Variants in ZNF385B observed in about 807,000 individuals in gnomAD.
The protein encoded by ZNF385B is zinc finger protein 533.
In ZNF385B, 23 loss-of-function variants were observed where a neutral mutation model predicts 39.2. The ratio of observed to expected loss-of-function variants is 0.59; its 90% CI spans 0.42 to 0.83. The LOEUF is 0.83. Ranked by LOEUF, ZNF385B falls within the 40% of genes least tolerant of loss-of-function variation. The pLI is 0.00. For missense variants in ZNF385B, 552 were observed against 598.9 expected (o/e 0.92, Z 0.82); for synonymous variants, 205 against 222.6 (o/e 0.92, Z 0.70).
intron 1 of ZNF385B, among the ~76,000 whole-genome samples, chr2:179,834,029 A>G (rs1172548015): frequency 6.6e-6 from 1 of 152,134 alleles, no homozygotes; most frequent in African/African-American, 2.4e-5. Context: ...TGTTATTGGA[A>G]TCATGGTTTT....
In ZNF385B at chr2:179,548,859, GT is replaced by G. The variant is rs112140721; in HGVS notation, c.299-3891del. Among the ~76,000 whole-genome samples the G allele has an allele frequency of 2.3e-3, 339 of 149,094 alleles. 30 individuals carry two copies. Among genetic ancestry groups the G allele is most frequent in the African/African-American group, 8.4e-3 (331 of 39,494 alleles). ...TGTGGGAGCTATAATTCAAGATGAG[GT>G]TTGGGCTAAACCAAATCAATTGTAG... On this transcript the variant is annotated intron_variant, in intron 3 of 9. Coordinates refer to ENST00000410066, the MANE Select transcript of ZNF385B (RefSeq NM_152520.6).
intron 1 of ZNF385B, among the ~76,000 whole-genome samples, chr2:179,815,968 C>A (rs527631154): frequency 6.6e-6 from 1 of 152,026 alleles, no homozygotes; most frequent in Non-Finnish European, 1.5e-5. Context: ...AGGCTCTTTT[C>A]TTTAAATATG....
chr2:179,538,688 T>C (rs1312247008), intron 4 of ZNF385B, among the ~76,000 whole-genome samples: 2 of 152,208 alleles, frequency 1.3e-5, no homozygotes, highest in Non-Finnish European at 2.9e-5. Flanking sequence ...CTTTATCCTG[T>C]CCCACATATT....
intron 3 of ZNF385B, among the ~76,000 whole-genome samples, chr2:179,663,429 C>A (rs114979072): frequency 6.6e-6 from 1 of 152,044 alleles, no homozygotes; most frequent in African/African-American, 2.4e-5. Flanking sequence ...ATCTCATGAA[C>A]GCTAGGCGCG....
chr2:179,524,357 C>T (rs1021168545), intron 4 of ZNF385B, among the ~76,000 whole-genome samples: 4 of 151,560 alleles, frequency 2.6e-5, no homozygotes, highest in African/African-American at 4.9e-5. Context: ...TAGCGACAAT[C>T]CTGGCTAACA....
At chr2:179,721,185 A>C (rs1014014755) in intron 3 of ZNF385B, among the ~76,000 whole-genome samples, 9 of 152,050 alleles carry the variant, frequency 5.9e-5, no homozygotes, top group African/African-American at 1.7e-4. Flanking sequence ...ACAAATCAAC[A>C]ATGTTAGCAA....
chr2:179,856,816 C>T (rs1015042627), intron 1 of ZNF385B, among the ~76,000 whole-genome samples: 6 of 152,104 alleles, frequency 3.9e-5, no homozygotes, highest in African/African-American at 7.2e-5. Flanking sequence ...AGGGAATAAA[C>T]AAACCTTCCA....
intron 3 of ZNF385B, among the ~76,000 whole-genome samples, chr2:179,666,644 CTT>C (rs35662772): frequency 6.7e-6 from 1 of 148,544 alleles, no homozygotes. Flanking sequence ...GGAAAATCAT[CTT>C]TTTTTTTTGT....
At chr2:179,694,969 G>T (rs1698621582) in intron 3 of ZNF385B, among the ~76,000 whole-genome samples, 1 of 150,520 alleles carries the variant, frequency 6.6e-6, no homozygotes, top group Non-Finnish European at 1.5e-5. Context: ...GGAGGAGGAG[G>T]AGGAGGAGGA....
chr2:179,620,562 T>G (rs1251922719), intron 3 of ZNF385B, among the ~76,000 whole-genome samples: 1 of 152,138 alleles, frequency 6.6e-6, no homozygotes, highest in Non-Finnish European at 1.5e-5. Flanking sequence ...GAATCTAGTA[T>G]CAGTTCCATG....
At position 179,792,370 on chromosome 2, in the gene ZNF385B, C is replaced by CTTTTTTTTTTT. The variant is rs1346808450; in HGVS notation, c.-154-21699_-154-21698insAAAAAAAAAAA. ...CTGAAGAAGTAGGCCATTTCATTTT[C>CTTTTTTTTTTT]TTTTCTTTTTTTTTTTTTTTTGAGA... On this transcript the variant is annotated intron_variant, in intron 1 of 9. Transcript: ENST00000410066. Among the ~76,000 whole-genome samples the CTTTTTTTTTTT allele has an allele frequency of 2.0e-3, 139 of 70,668 alleles. 31 individuals are homozygous for CTTTTTTTTTTT. The highest frequency in any genetic ancestry group is 3.1e-3 in the African/African-American group (62 of 19,786). 46.4% of individuals were successfully genotyped at this position (70,668 alleles called of 152,430 possible).
At chr2:179,643,164 T>C (rs1692419648) in intron 3 of ZNF385B, among the ~76,000 whole-genome samples, 1 of 152,072 alleles carries the variant, frequency 6.6e-6, no homozygotes. Context: ...ATTCGGACTT[T>C]AAAGCAACAA....
intron 3 of ZNF385B, among the ~76,000 whole-genome samples, chr2:179,582,718 A>G (rs1417047889): frequency 1.3e-5 from 2 of 152,256 alleles, no homozygotes; most frequent in East Asian, 1.9e-4. Flanking sequence ...GTAATTTGGA[A>G]TAATTTTAAA....
chr2:179,470,048 T>G (rs2052563461), intron 6 of ZNF385B, among the ~76,000 whole-genome samples: 1 of 152,148 alleles, frequency 6.6e-6, no homozygotes, highest in Non-Finnish European at 1.5e-5. Flanking sequence ...GTCGTTGGGA[T>G]CTGTGGGTCT....
chr2:179,595,233 C>T (rs1194938572), intron 3 of ZNF385B, among the ~76,000 whole-genome samples: 1 of 152,038 alleles, frequency 6.6e-6, no homozygotes, highest in African/African-American at 2.4e-5. Context: ...TTACTACTTC[C>T]AAAATGAAAA....
rs956114393 is a variant in ZNF385B, at chr2:179,833,631, A to AT, written c.-155+27469dup. Among the ~76,000 whole-genome samples the AT allele has an allele frequency of 4.4e-4, 67 of 152,236 alleles. 1 individual carries two copies. The highest frequency in any genetic ancestry group is 1.5e-3 in the African/African-American group (64 of 41,562). ...TACATTTTAAAGCTAAAAATGACTA[A>AT]TTTTTTTAAAACACCTGGTAGTACT... On this transcript the variant is annotated intron_variant, in intron 1 of 9. Coordinates refer to ENST00000410066, the MANE Select transcript of ZNF385B (RefSeq NM_152520.6).
intron 3 of ZNF385B, among the ~76,000 whole-genome samples, chr2:179,736,031 T>TA (rs372732920): frequency 0.091 from 13,721 of 151,248 alleles, 707 homozygotes; most frequent in Non-Finnish European, 0.11. Flanking sequence ...AGTATAATAA[T>TA]AAAAAAAAGC....
intron 1 of ZNF385B, among the ~76,000 whole-genome samples, chr2:179,792,365 ATT>A (rs66980141): frequency 0.055 from 6,483 of 118,474 alleles, 260 homozygotes; most frequent in Admixed American, 0.15. Context: ...AGGCCATTTC[ATT>A]TTCTTTTCTT....
intron 3 of ZNF385B, among the ~76,000 whole-genome samples, chr2:179,678,637 T>C (rs74414579): frequency 0.033 from 5,001 of 152,280 alleles, 100 homozygotes; most frequent in Middle Eastern, 0.075. Context: ...AAAGAAGAAA[T>C]ACATTTCTGT....
Sources: gnomAD v4.1 joint callset for allele counts (sites outside exome capture counted in the v4.1 genomes callset) on GRCh38, gnomAD v4.1.1 for gene constraint, MANE v1.5 for transcripts, NCBI Gene and HGNC (gene_info 2026-07-23, HGNC 2026-07-21) for gene names.